RYR2: variants seen among roughly 807,000 people sequenced by gnomAD.
RYR2 encodes ryanodine receptor 2.
Under a neutral mutation model 601.1 loss-of-function variants are expected in RYR2, and 227 were observed. That is an observed-to-expected ratio of 0.38 (90% CI 0.34 to 0.42). The LOEUF is 0.42. Among genes scored for constraint, RYR2 ranks in the 10% least tolerant of loss-of-function variants. The pLI, the probability that RYR2 is intolerant of heterozygous loss-of-function variation, is 1.00. For missense variants in RYR2, 4,646 were observed against 6,156.5 expected, an observed-to-expected ratio of 0.75 and a Z score of 8.21; for synonymous variants, 2,223 against 2,175.1, an observed-to-expected ratio of 1.02 and a Z score of -0.61.
In RYR2 at chr1:237,042,284, C is replaced by T; in HGVS notation, c.-238C>T. 1 of 222,676 alleles carries T rather than the reference C, an allele frequency of 4.5e-6. No individual in the cohort carries two copies. The allele number at this position is 222,676 out of a possible 1,614,324, so 13.8% of individuals were successfully genotyped here. ...CCCCGCGTCCTCCGGGCCCGGGCCG[C>T]CCTCCTCCCGCACAGTGCGGAGCAG... On this transcript the variant is annotated 5_prime_UTR_variant, in exon 1 of 105. Coordinates refer to ENST00000366574, the MANE Select transcript of RYR2 (RefSeq NM_001035.3).
At chr1:237,059,494 G>C (rs1485219279) in intron 1 of RYR2, among the ~76,000 whole-genome samples, 1 of 152,156 alleles carries the variant, frequency 6.6e-6, no homozygotes, top group African/African-American at 2.4e-5. Flanking sequence ...TGGATAAATG[G>C]AGTCTATTTT....
chr1:237,658,156 A>T (rs951796145), intron 54 of RYR2, 134 bp downstream of exon 54: 48 of 455,322 alleles, frequency 1.1e-4, no homozygotes, highest in Non-Finnish European at 1.8e-4. Flanking sequence ...CTTAATTACA[A>T]TTAGCTTATA....
intron 1 of RYR2, among the ~76,000 whole-genome samples, chr1:237,058,809 G>C (rs1662491865): frequency 6.6e-6 from 1 of 151,580 alleles, no homozygotes; most frequent in Non-Finnish European, 1.5e-5. Context: ...CGGGGGGCCG[G>C]GGGGCGGGGT....
chr1:237,093,829 T>G (rs1667223715), intron 1 of RYR2, among the ~76,000 whole-genome samples: 1 of 152,228 alleles, frequency 6.6e-6, no homozygotes, highest in African/African-American at 2.4e-5. Context: ...GTGCGGCCTG[T>G]GTTTCCTGGG....
chr1:237,673,198 A>G (rs951284775), intron 58 of RYR2, among the ~76,000 whole-genome samples: 2 of 152,196 alleles, frequency 1.3e-5, no homozygotes, highest in African/African-American at 4.8e-5. Flanking sequence ...CTCACACAAT[A>G]TATATTACCA....
intron 63 of RYR2, among the ~76,000 whole-genome samples, chr1:237,696,625 A>G (rs1356732663): frequency 1.3e-5 from 2 of 151,198 alleles, no homozygotes; most frequent in Non-Finnish European, 2.9e-5. Context: ...TGTGCAAAGC[A>G]AGGGTCAGGA....
At chr1:237,080,758 G>T (rs1665517278) in intron 1 of RYR2, among the ~76,000 whole-genome samples, 1 of 84,922 alleles carries the variant, frequency 1.2e-5, no homozygotes. Context: ...AATACCATTT[G>T]ACCCAGCCAT....
intron 1 of RYR2, among the ~76,000 whole-genome samples, chr1:237,216,073 A>G (rs1010973963): frequency 6.6e-6 from 1 of 152,196 alleles, no homozygotes; most frequent in Non-Finnish European, 1.5e-5. Context: ...AACTAAGGAA[A>G]TAATGCATTA....
chr1:237,187,569 G>A (rs144074045), intron 1 of RYR2, among the ~76,000 whole-genome samples: 204 of 148,106 alleles, frequency 1.4e-3, no homozygotes, highest in African/African-American at 4.9e-3. Flanking sequence ...TCAGCCTCCT[G>A]AATAGCTGGG....
intron 1 of RYR2, among the ~76,000 whole-genome samples, chr1:237,094,401 C>A (rs1230688747): frequency 6.6e-6 from 1 of 152,118 alleles, no homozygotes; most frequent in Admixed American, 6.5e-5. Flanking sequence ...TCCTTATAAG[C>A]AAAAACCATA....
chr1:237,623,385 T>G lies in RYR2; in HGVS notation c.5917-380T>G, dbSNP rs1189837021. ...TTTCTTTCTTTCTTTCTTTCTTTCT[T>G]TTTTTTTTTTTTTTTTTTTTTTTGA... On this transcript the variant is annotated intron_variant, in intron 38 of 104. Transcript: ENST00000366574. Among the ~76,000 whole-genome samples, 106 of 90,970 alleles carry G rather than the reference T, an allele frequency of 1.2e-3. 1 individual carries two copies. Among genetic ancestry groups the G allele is most frequent in the African/African-American group, 4.4e-3 (85 of 19,406 alleles). The allele number at this position is 90,970 out of a possible 152,430, so 59.7% of individuals were successfully genotyped here.
At chr1:237,113,527 AT>A (rs1363685895) in intron 1 of RYR2, among the ~76,000 whole-genome samples, 1 of 152,072 alleles carries the variant, frequency 6.6e-6, no homozygotes, top group Admixed American at 6.6e-5. Flanking sequence ...ACTCTGTCCC[AT>A]TGTCCTTTAA....
chr1:237,133,951 G>A (rs1277623093), intron 1 of RYR2, among the ~76,000 whole-genome samples: 2 of 149,346 alleles, frequency 1.3e-5, no homozygotes, highest in African/African-American at 5.0e-5. Flanking sequence ...CCAAGTGGGA[G>A]TCATCCCTTA....
At chr1:237,639,332 T>C in intron 46 of RYR2, 131 bp downstream of exon 46, 1 of 900,110 alleles carries the variant, frequency 1.1e-6, no homozygotes, top group Non-Finnish European at 1.6e-6. Flanking sequence ...GAAAATATAA[T>C]GTCTTAGATT....
rs756472432 is a variant in RYR2, at chr1:237,657,957, G to A, written c.8143G>A (p.Glu2715Lys). The A allele has an allele frequency of 9.3e-6, 14 of 1,507,216 alleles. No individual in the cohort carries two copies. The highest frequency in any genetic ancestry group is 8.8e-5 in the Admixed American group (4 of 45,396). 93.4% of individuals were successfully genotyped at this position (1,507,216 alleles called of 1,614,324 possible). The change falls in exon 54 of 105, where the codon GAG (glutamate) becomes AAG (lysine). Residue 2715 changes from glutamate (E) to lysine (K), a missense_variant. Coordinates refer to ENST00000366574, the MANE Select transcript of RYR2 (RefSeq NM_001035.3). ...CTTTTCTCATAGTATTACAATTCCTGAGAAATTGGAATACTTCATTAACAA... is the reference window on the plus strand; with the variant it reads ...CTTTTCTCATAGTATTACAATTCCTAAGAAATTGGAATACTTCATTAACAA... ...PVDTSNITIP[E>K]KLEYFINKYA...
chr1:237,815,502 G>T (rs779833540), intron 100 of RYR2, among the ~76,000 whole-genome samples: 25 of 152,094 alleles, frequency 1.6e-4, no homozygotes, highest in Non-Finnish European at 3.2e-4. Flanking sequence ...TTTTAAATTT[G>T]GTAATTTATT....
chr1:237,337,104 T>C (rs542780140), intron 3 of RYR2, among the ~76,000 whole-genome samples: 6 of 151,688 alleles, frequency 4.0e-5, no homozygotes, highest in African/African-American at 9.7e-5. Context: ...CACAAAAAAT[T>C]AGCCAGACGT....
At chr1:237,360,288 T>A (rs1427079099) in intron 4 of RYR2, among the ~76,000 whole-genome samples, 1 of 152,236 alleles carries the variant, frequency 6.6e-6, no homozygotes, top group African/African-American at 2.4e-5. Flanking sequence ...TCAGTATCCA[T>A]TTGCCCTCTG....
chr1:237,447,839 C>A (rs961755929), intron 14 of RYR2, among the ~76,000 whole-genome samples: 1 of 147,120 alleles, frequency 6.8e-6, no homozygotes, highest in African/African-American at 2.5e-5. Context: ...CTCCCTCCCT[C>A]TTTCCCCTCC....
Sources: gnomAD v4.1 joint callset for allele counts (sites outside exome capture counted in the v4.1 genomes callset) on GRCh38, gnomAD v4.1.1 for gene constraint, MANE v1.5 for transcripts, NCBI Gene and HGNC (gene_info 2026-07-23, HGNC 2026-07-21) for gene names.